YTHDF3: variants seen among roughly 807,000 people sequenced by gnomAD.
The protein encoded by YTHDF3 is YTH N6-methyladenosine RNA binding protein F3, also known as YTH domain-containing family protein 3.
YTHDF3 carries 9 observed loss-of-function variants against 52.5 expected under a neutral mutation model. The ratio of observed to expected loss-of-function variants is 0.17; its 90% CI spans 0.10 to 0.30. The LOEUF (loss-of-function observed/expected upper bound fraction) is 0.30. Ranked by LOEUF, YTHDF3 falls within the 10% of genes least tolerant of loss-of-function variation. YTHDF3 has a pLI of 1.00. For synonymous variants in YTHDF3, 274 were observed against 243.3 expected, an observed-to-expected ratio of 1.13 and a Z score of -1.18; for missense variants, 534 against 715.0, an observed-to-expected ratio of 0.75 and a Z score of 2.89.
chr8:63,195,759 T>TGTGTGTGA (rs1809194405), intron 4 of YTHDF3, among the ~76,000 whole-genome samples: 2 of 151,258 alleles, frequency 1.3e-5, no homozygotes, highest in African/African-American at 2.4e-5. Context: ...TGTGTGTGTG[T>TGTGTGTGA]GTGTGACCCT....
intron 2 of YTHDF3, 42 bp from the exon 3 acceptor site, chr8:63,175,289 A>G: frequency 6.8e-7 from 1 of 1,461,644 alleles, no homozygotes; most frequent in African/African-American, 1.4e-5. Context: ...TGCGAGTTTC[A>G]TAAAGATAAC....
At chr8:63,203,800 T>C (rs970553728) in intron 4 of YTHDF3, among the ~76,000 whole-genome samples, 1 of 152,250 alleles carries the variant, frequency 6.6e-6, no homozygotes, top group African/African-American at 2.4e-5. Flanking sequence ...GTCAGGTATT[T>C]TGTAAGATAT....
At chr8:63,188,723 T>A (rs1350457536) in intron 4 of YTHDF3, 2 of 127,388 alleles carry the variant, frequency 1.6e-5, no homozygotes, top group African/African-American at 5.9e-5. Flanking sequence ...TTTTTTTTTT[T>A]TCTTTTGTGA....
At chr8:63,181,145 T>C (rs1403852573) in intron 3 of YTHDF3, among the ~76,000 whole-genome samples, 4 of 152,260 alleles carry the variant, frequency 2.6e-5, no homozygotes, top group Non-Finnish European at 5.9e-5. Flanking sequence ...TGAGTTTGTC[T>C]GCTTGTGTGT....
intron 4 of YTHDF3, among the ~76,000 whole-genome samples, chr8:63,203,687 C>G (rs1007705421): frequency 3.3e-5 from 5 of 152,162 alleles, no homozygotes; most frequent in African/African-American, 1.2e-4. Context: ...AAGATCTAGT[C>G]TGGACACTAA....
At chr8:63,209,573 A>G in intron 4 of YTHDF3, 110 bp from the exon 5 acceptor site, 1 of 1,091,262 alleles carries the variant, frequency 9.2e-7, no homozygotes, top group South Asian at 1.6e-5. Context: ...TTAGTACTTG[A>G]ACTTTATATG....
intron 3 of YTHDF3, 80 bp downstream of exon 3, chr8:63,175,496 T>C: frequency 8.8e-7 from 1 of 1,134,226 alleles, no homozygotes; most frequent in Non-Finnish European, 1.3e-6. Context: ...GATTATTTAA[T>C]GAGATTAACC....
intron 4 of YTHDF3, among the ~76,000 whole-genome samples, chr8:63,205,459 G>A (rs1368929242): frequency 5.4e-5 from 8 of 148,636 alleles, no homozygotes; most frequent in Non-Finnish European, 1.2e-4. Flanking sequence ...TTTGAGATGG[G>A]GTCTGGCTCT....
At chr8:63,206,899 C>T (rs1810068963) in intron 4 of YTHDF3, among the ~76,000 whole-genome samples, 1 of 152,012 alleles carries the variant, frequency 6.6e-6, no homozygotes, top group African/African-American at 2.4e-5. Flanking sequence ...AAATTGATGT[C>T]AGGAAATGTG....
At chr8:63,172,197 C>T (rs1312400833) in intron 2 of YTHDF3, among the ~76,000 whole-genome samples, 4 of 151,792 alleles carry the variant, frequency 2.6e-5, no homozygotes, top group Non-Finnish European at 5.9e-5. Context: ...TTTAACACTT[C>T]GTATTTTATT....
intron 2 of YTHDF3, among the ~76,000 whole-genome samples, chr8:63,170,127 A>G (rs1252177930): frequency 6.6e-6 from 1 of 152,228 alleles, no homozygotes; most frequent in Admixed American, 6.5e-5. Context: ...TTATGACATT[A>G]GTCATGTGAC....
At chr8:63,168,955 C>A in intron 1 of YTHDF3, 54 bp downstream of exon 1, 1 of 1,542,906 alleles carries the variant, frequency 6.5e-7, no homozygotes, top group East Asian at 2.5e-5. Context: ...GGAGCTCCAC[C>A]CTCGCGCGGG....
intron 4 of YTHDF3, among the ~76,000 whole-genome samples, chr8:63,201,838 A>C (rs1809662506): frequency 6.6e-6 from 1 of 152,244 alleles, no homozygotes; most frequent in East Asian, 1.9e-4. Flanking sequence ...TTATTTTCTC[A>C]AAAAGAGCCC....
In YTHDF3 at chr8:63,171,909, T is replaced by C. The variant is rs998897725; in HGVS notation, c.49+2498T>C. 2.6e-5 allele frequency among the ~76,000 whole-genome samples: 4 copies of C among 152,204 alleles called. No homozygotes were observed. The East Asian group carries it at 7.7e-4, about 29-fold the overall frequency. On this transcript the variant is annotated intron_variant, in intron 2 of 4. Coordinates refer to ENST00000539294, the MANE Select transcript of YTHDF3 (RefSeq NM_152758.6). ...TTGTCTTTAGTTGACAGCTTTAGCC[T>C]AACACCTAGTTTTAGTGTCTTTGAT...
intron 4 of YTHDF3, among the ~76,000 whole-genome samples, chr8:63,204,196 T>C (rs943138152): frequency 6.6e-6 from 1 of 152,044 alleles, no homozygotes; most frequent in Non-Finnish European, 1.5e-5. Context: ...TTTTTTTCTT[T>C]GTGCTTTCCA....
intron 4 of YTHDF3, among the ~76,000 whole-genome samples, chr8:63,189,931 A>G (rs1808807116): frequency 6.6e-6 from 1 of 152,198 alleles, no homozygotes; most frequent in South Asian, 2.1e-4. Flanking sequence ...CCACTTAAAT[A>G]TGAGAAATGA....
intron 2 of YTHDF3, 115 bp from the exon 3 acceptor site, chr8:63,175,216 T>C: frequency 1.5e-6 from 1 of 686,846 alleles, no homozygotes; most frequent in Non-Finnish European, 2.5e-6. Flanking sequence ...TAAAAATAAC[T>C]CAGTATTATT....
intron 4 of YTHDF3, among the ~76,000 whole-genome samples, chr8:63,198,840 T>G (rs1427884129): frequency 6.6e-6 from 1 of 152,178 alleles, no homozygotes; most frequent in East Asian, 1.9e-4. Context: ...TTATTATAAT[T>G]AACAGAAACA....
intron 4 of YTHDF3, among the ~76,000 whole-genome samples, chr8:63,193,543 C>G (rs1054242444): frequency 6.6e-6 from 1 of 151,962 alleles, no homozygotes; most frequent in South Asian, 2.1e-4. Context: ...ATTGCTTCAT[C>G]CCAGGAGTTT....
Sources: allele counts gnomAD v4.1 joint callset (sites outside exome capture counted in the v4.1 genomes callset), GRCh38; gene constraint gnomAD v4.1.1; transcripts MANE v1.5; gene names NCBI Gene and HGNC (gene_info 2026-07-23, HGNC 2026-07-21).